MTCL2: variants seen among roughly 807,000 people sequenced by gnomAD.
MTCL2 encodes microtubule cross-linking factor 2.
At chr20:36,846,857 A>C in the MTCL2 span, among the ~76,000 whole-genome samples, 1 of 152,196 alleles carries the variant, frequency 6.6e-6, no homozygotes, top group Non-Finnish European at 1.5e-5. Flanking sequence ...AAAATACAAA[A>C]AAATTAGCCA....
At chr20:36,859,731 G>A in the MTCL2 span, 39 of 1,231,684 alleles carry the variant, frequency 3.2e-5, no homozygotes, top group Non-Finnish European at 3.7e-5. Context: ...AGGTAAGCCT[G>A]AGCAGGGCCA....
chr20:36,842,545 T>G, the MTCL2 span, among the ~76,000 whole-genome samples: 1 of 152,080 alleles, frequency 6.6e-6, no homozygotes. Flanking sequence ...GCCAAGGCGG[T>G]CAGATCGCCT....
At chr20:36,818,800 T>C in the MTCL2 span, among the ~76,000 whole-genome samples, 2 of 152,232 alleles carry the variant, frequency 1.3e-5, no homozygotes, top group South Asian at 2.1e-4. Context: ...AAAGGGTTGA[T>C]ATCCTAAATA....
chr20:36,779,412 AG>A, the MTCL2 span: 1 of 152,800 alleles, frequency 6.5e-6, no homozygotes, highest in South Asian at 2.1e-4. Context: ...TGGGCAGGGC[AG>A]GGGAGGAAAA....
the MTCL2 span, chr20:36,828,805 C>T: frequency 2.2e-5 from 10 of 453,734 alleles, no homozygotes; most frequent in Middle Eastern, 5.7e-4. Context: ...CTCATTACCC[C>T]GTGAGCTCCC....
the MTCL2 span, among the ~76,000 whole-genome samples, chr20:36,841,886 T>G: frequency 3.5e-4 from 48 of 139,002 alleles, no homozygotes; most frequent in South Asian, 1.1e-3. Flanking sequence ...TGTGTGTGTG[T>G]GTGTGTGTGT....
the MTCL2 span, among the ~76,000 whole-genome samples, chr20:36,790,004 T>C: frequency 2.0e-5 from 3 of 148,190 alleles, no homozygotes; most frequent in Non-Finnish European, 3.0e-5. Context: ...TTTTTTTTTT[T>C]TTTTTGAGAT....
chr20:36,831,936 A>G, the MTCL2 span, among the ~76,000 whole-genome samples: 102 of 151,956 alleles, frequency 6.7e-4, 2 homozygotes, highest in Non-Finnish European at 9.3e-4. Flanking sequence ...ACTCATACTC[A>G]CTCACTAACT....
the MTCL2 span, among the ~76,000 whole-genome samples, chr20:36,851,207 T>C: frequency 6.6e-6 from 1 of 152,168 alleles, no homozygotes; most frequent in Admixed American, 6.5e-5. Flanking sequence ...ATATTGTATA[T>C]ATTTGTACAA....
the MTCL2 span, among the ~76,000 whole-genome samples, chr20:36,851,224 A>G: frequency 6.6e-6 from 1 of 152,156 alleles, no homozygotes; most frequent in East Asian, 1.9e-4. Context: ...ACAATATATT[A>G]TACAGTATAT....
the MTCL2 span, among the ~76,000 whole-genome samples, chr20:36,850,516 A>G: frequency 6.6e-6 from 1 of 150,726 alleles, no homozygotes; most frequent in Non-Finnish European, 1.5e-5. Context: ...ACAGAATGAG[A>G]CTGTGTTTGA....
chr20:36,852,700 G>C, the MTCL2 span, among the ~76,000 whole-genome samples: 2 of 152,140 alleles, frequency 1.3e-5, no homozygotes, highest in African/African-American at 4.8e-5. Context: ...CCACCCCAGA[G>C]CTCAATCTAG....
chr20:36,824,579 T>G, the MTCL2 span, among the ~76,000 whole-genome samples: 1 of 152,182 alleles, frequency 6.6e-6, no homozygotes, highest in Admixed American at 6.6e-5. Context: ...TGGAATTAGA[T>G]AATGGTGACG....
chr20:36,805,795 C>A, the MTCL2 span: 4 of 1,415,154 alleles, frequency 2.8e-6, no homozygotes, highest in Non-Finnish European at 9.6e-7. Context: ...GAATTGATTA[C>A]TGAGCAGACA....
chr20:36,843,751 T>A, the MTCL2 span, among the ~76,000 whole-genome samples: 17 of 151,942 alleles, frequency 1.1e-4, no homozygotes, highest in Non-Finnish European at 2.2e-4. Context: ...AATAGGAGGG[T>A]CTAAGTGGAC....
the MTCL2 span, chr20:36,839,125 G>T: frequency 8.2e-7 from 1 of 1,225,762 alleles, no homozygotes; most frequent in Non-Finnish European, 1.1e-6. The surrounding 1 kb of genome is among the most constrained non-coding windows in gnomAD (Gnocchi z 5.1). Flanking sequence ...ACTTGGCCAT[G>T]GACACACGGA....
At chr20:36,862,738 T>C in the MTCL2 span, 1 of 1,489,760 alleles carries the variant, frequency 6.7e-7, no homozygotes, top group Non-Finnish European at 8.9e-7. Context: ...ATCTCCTCGG[T>C]GAGGTCGGAG....
chr20:36,785,129 T>C, the MTCL2 span: 2 of 984,920 alleles, frequency 2.0e-6, no homozygotes, highest in Admixed American at 6.2e-5. Context: ...AGGCATTGAG[T>C]AATAAGTAGT....
At chr20:36,804,821 C>T in the MTCL2 span, 4 of 1,613,852 alleles carry the variant, frequency 2.5e-6, no homozygotes, top group Non-Finnish European at 3.4e-6. Flanking sequence ...TCCGTCAGAC[C>T]ACGGCGTTCA....
Sources: allele counts gnomAD v4.1 joint callset (sites outside exome capture counted in the v4.1 genomes callset), GRCh38; gene constraint gnomAD v4.1.1; non-coding constraint Gnocchi (gnomAD v3.1); transcripts MANE v1.5; gene names NCBI Gene and HGNC (gene_info 2026-07-23, HGNC 2026-07-21).